The following PARD3 variants were observed in gnomAD, a reference collection of about 807,000 sequenced individuals.
PARD3 encodes par-3 family cell polarity regulator.
In PARD3, 75 loss-of-function variants were observed where a neutral mutation model predicts 155.4. That is an observed-to-expected ratio of 0.48 (90% CI 0.40 to 0.58). The LOEUF (loss-of-function observed/expected upper bound fraction) is 0.58, where lower values mean the gene tolerates loss of function less well. Among genes scored for constraint, PARD3 ranks in the 20% least tolerant of loss-of-function variants. The pLI is 0.00. For missense variants in PARD3, 1,642 were observed against 1,721.7 expected, an observed-to-expected ratio of 0.95 and a Z score of 0.82; for synonymous variants, 576 against 610.5, an observed-to-expected ratio of 0.94 and a Z score of 0.83.
chr10:34,539,133 T>A (rs1360879668), intron 2 of PARD3, among the ~76,000 whole-genome samples: 1 of 152,130 alleles, frequency 6.6e-6, no homozygotes, highest in Non-Finnish European at 1.5e-5. Flanking sequence ...AGGTGTTACA[T>A]CTTATGACAC....
chr10:34,566,765 T>A (rs2085976637), intron 2 of PARD3, among the ~76,000 whole-genome samples: 1 of 152,204 alleles, frequency 6.6e-6, no homozygotes, highest in Admixed American at 6.5e-5. Context: ...AAGTTTTTTT[T>A]ACAATTGGCA....
chr10:34,435,346 G>A (rs1250169357), intron 5 of PARD3, among the ~76,000 whole-genome samples: 1 of 152,100 alleles, frequency 6.6e-6, no homozygotes, highest in South Asian at 2.1e-4. Flanking sequence ...TAGAGTCAAC[G>A]AATCAATATA....
chr10:34,289,391 T>C lies in PARD3; in HGVS notation c.3066-5146A>G, dbSNP rs554714140. Among the ~76,000 whole-genome samples the C allele has an allele frequency of 2.6e-3, 389 of 152,164 alleles. 2 individuals carry two copies. Among genetic ancestry groups the C allele is most frequent in the African/African-American group, 9.0e-3 (372 of 41,518 alleles). On this transcript the variant is annotated intron_variant, in intron 20 of 24. Coordinates refer to ENST00000374788, the MANE Select transcript of PARD3 (RefSeq NM_001184785.2). ...TTTCAGTAGAGGCGGGGTTTCGCCATGTTGGCCAGGCTGGTCTCAAACTCC... is the reference window on the plus strand; with the variant it reads ...TTTCAGTAGAGGCGGGGTTTCGCCACGTTGGCCAGGCTGGTCTCAAACTCC...
chr10:34,517,804 A>G (rs1267806932), intron 2 of PARD3, among the ~76,000 whole-genome samples: 1 of 152,162 alleles, frequency 6.6e-6, no homozygotes, highest in Admixed American at 6.5e-5. Context: ...AGTTACAGAG[A>G]AGAAAAAGCT....
At chr10:34,329,986 A>C (rs540746771) in intron 19 of PARD3, among the ~76,000 whole-genome samples, 2 of 152,158 alleles carry the variant, frequency 1.3e-5, no homozygotes, top group Non-Finnish European at 2.9e-5. Flanking sequence ...TCTTCCCACG[A>C]AAGTCTTTCT....
intron 1 of PARD3, among the ~76,000 whole-genome samples, chr10:34,726,068 T>C (rs1043820186): frequency 3.9e-5 from 6 of 152,232 alleles, no homozygotes; most frequent in African/African-American, 1.4e-4. Context: ...GCCTAACATG[T>C]CTTTTAACCA....
intron 12 of PARD3, among the ~76,000 whole-genome samples, chr10:34,366,151 T>C (rs1234358011): frequency 6.6e-6 from 1 of 152,228 alleles, no homozygotes; most frequent in African/African-American, 2.4e-5. Context: ...GTTATACAGA[T>C]GGTCCACAAC....
intron 22 of PARD3, among the ~76,000 whole-genome samples, chr10:34,142,641 A>G (rs1260720216): frequency 1.3e-5 from 2 of 150,678 alleles, no homozygotes; most frequent in Non-Finnish European, 3.0e-5. Flanking sequence ...GAAAGGACGA[A>G]GGAAGGAAGG....
chr10:34,222,573 A>C (rs1442574684), intron 22 of PARD3, among the ~76,000 whole-genome samples: 2 of 152,238 alleles, frequency 1.3e-5, no homozygotes, highest in African/African-American at 2.4e-5. Context: ...AGAGAGAGAG[A>C]GATCCATCTG....
chr10:34,255,978 C>T (rs1954632849), intron 22 of PARD3, among the ~76,000 whole-genome samples: 1 of 152,114 alleles, frequency 6.6e-6, no homozygotes. Context: ...GGAATCAACA[C>T]ATGAATCACA....
At chr10:34,213,488 G>A (rs953759127) in intron 22 of PARD3, among the ~76,000 whole-genome samples, 7 of 152,156 alleles carry the variant, frequency 4.6e-5, no homozygotes, top group African/African-American at 1.4e-4. Flanking sequence ...TAACCACAGC[G>A]CAGATGAAGC....
chr10:34,681,730 T>TATATATATATATATA (rs2093826746), intron 2 of PARD3, among the ~76,000 whole-genome samples: 2 of 29,974 alleles, frequency 6.7e-5, no homozygotes, highest in African/African-American at 2.1e-4. Context: ...CGTATGTATT[T>TATATATATATATATA]TATATATATA....
At chr10:34,651,085 C>T (rs1222377128) in intron 2 of PARD3, among the ~76,000 whole-genome samples, 1 of 140,918 alleles carries the variant, frequency 7.1e-6, no homozygotes, top group Non-Finnish European at 1.5e-5. Flanking sequence ...ATGCACTTCA[C>T]TTCATGGTGG....
chr10:34,649,013 T>G (rs527784935), intron 2 of PARD3, among the ~76,000 whole-genome samples: 1 of 152,254 alleles, frequency 6.6e-6, no homozygotes, highest in South Asian at 2.1e-4. Context: ...TGAACCAAGT[T>G]TGGGAGATTC....
At chr10:34,584,113 C>T (rs2087768398) in intron 2 of PARD3, among the ~76,000 whole-genome samples, 1 of 152,128 alleles carries the variant, frequency 6.6e-6, no homozygotes, top group Admixed American at 6.5e-5. Flanking sequence ...ATTGTTTTCC[C>T]AACTATTATT....
intron 1 of PARD3, among the ~76,000 whole-genome samples, chr10:34,795,252 C>A (rs116931990): frequency 6.6e-4 from 101 of 152,288 alleles, no homozygotes; most frequent in Non-Finnish European, 1.2e-3. Flanking sequence ...TTGATTGTGG[C>A]TTTGGCAAGA....
intron 1 of PARD3, among the ~76,000 whole-genome samples, chr10:34,745,081 G>A (rs1408235994): frequency 6.6e-6 from 1 of 152,190 alleles, no homozygotes; most frequent in South Asian, 2.1e-4. Flanking sequence ...GAAAAACAAG[G>A]CTGGTTGTAG....
intron 5 of PARD3, among the ~76,000 whole-genome samples, chr10:34,437,558 A>C (rs953193624): frequency 6.6e-6 from 1 of 152,140 alleles, no homozygotes; most frequent in Non-Finnish European, 1.5e-5. Context: ...TCCTAGAATA[A>C]GAAAAAAATT....
chr10:34,266,521 T>C (rs1955317003), intron 22 of PARD3, among the ~76,000 whole-genome samples: 1 of 152,196 alleles, frequency 6.6e-6, no homozygotes, highest in Admixed American at 6.5e-5. Flanking sequence ...TCTCCTGAGT[T>C]GGAAGCATCT....
Sources: gnomAD v4.1 joint callset for allele counts (sites outside exome capture counted in the v4.1 genomes callset) on GRCh38, gnomAD v4.1.1 for gene constraint, MANE v1.5 for transcripts, NCBI Gene and HGNC (gene_info 2026-07-23, HGNC 2026-07-21) for gene names.